Variants in F13A1 observed in about 807,000 individuals in gnomAD.
F13A1 encodes FSF, A subunit.
F13A1 carries 47 observed loss-of-function variants against 80.1 expected under a neutral mutation model. That is an observed-to-expected ratio of 0.59 (90% CI 0.46 to 0.75). The LOEUF is 0.75. Ranked by LOEUF, F13A1 falls within the 30% of genes least tolerant of loss-of-function variation. The probability of loss-of-function intolerance (pLI) is 0.00; values close to 1 mark genes in which losing one functional copy is unlikely to be tolerated. For missense variants in F13A1, 817 were observed against 930.4 expected, an observed-to-expected ratio of 0.88 and a Z score of 1.59; for synonymous variants, 349 against 344.9, an observed-to-expected ratio of 1.01 and a Z score of -0.13.
At position 6,300,602 on chromosome 6, in the gene F13A1, C is replaced by T. The variant is rs868776254; in HGVS notation, c.319+4749G>A. 2.0e-5 allele frequency among the ~76,000 whole-genome samples: 3 copies of T among 152,228 alleles called. No homozygotes were observed. The Middle Eastern group carries it at 0.01, about 518-fold the overall frequency. ...GGCAATGCCTCGCCCTGCTTCGGCT[C>T]GCGCACAGTGCACGCACCCACTGAC... is the stretch of plus-strand genomic sequence containing the variant. On this transcript the variant is annotated intron_variant, in intron 3 of 14. Transcript: ENST00000264870.
Position 6,195,908 on chromosome 6 carries a change from G to C in F13A1, c.1217-23C>G, listed in dbSNP as rs5978. Reference sequence around the variant, plus strand: ...TGCCTGCATTGCACAGAGGAAGGGCGGTGTGAGTTTGTCATCTCCAATTCT... The same window carrying C: ...TGCCTGCATTGCACAGAGGAAGGGCCGTGTGAGTTTGTCATCTCCAATTCT... On this transcript the variant is annotated intron_variant, in intron 9 of 14. Transcript: ENST00000264870. 3 of 1,609,590 alleles carry C rather than the reference G, an allele frequency of 1.9e-6. No homozygotes were observed. In the Admixed American group the frequency reaches 5.0e-5, roughly 27 times the overall value.
At chr6:6,288,402 A>G (rs1357271147) in intron 3 of F13A1, among the ~76,000 whole-genome samples, 3 of 152,180 alleles carry the variant, frequency 2.0e-5, no homozygotes, top group African/African-American at 4.8e-5. Flanking sequence ...CAGATTCCAC[A>G]TATAAGTGAG....
rs1761234578 is a variant in F13A1, at chr6:6,193,330, A to G, written c.1305+2467T>C. Among the ~76,000 whole-genome samples the G allele has an allele frequency of 2.6e-5, 4 of 152,294 alleles. No individual in the cohort carries two copies. The South Asian group carries it at 8.3e-4, about 32-fold the overall frequency. ...TGATCAAGCCTGGAAATGAGTAAGG[A>G]ATGACCAAGAAAGTCAGCATGCTGG... On this transcript the variant is annotated intron_variant, in intron 10 of 14. Coordinates refer to ENST00000264870, the MANE Select transcript of F13A1 (RefSeq NM_000129.4).
chr6:6,294,905 C>T, intron 3 of F13A1, among the ~76,000 whole-genome samples: 1 of 121,928 alleles, frequency 8.2e-6, no homozygotes, highest in African/African-American at 3.2e-5. Flanking sequence ...TCCCCCCACC[C>T]CACAACAGGC....
chr6:6,211,697 G>A (rs559361074), intron 8 of F13A1, among the ~76,000 whole-genome samples: 2 of 152,248 alleles, frequency 1.3e-5, no homozygotes, highest in African/African-American at 4.8e-5. Context: ...AATAGGAACA[G>A]CTCCAGTCTA....
rs1373878945 is a variant in F13A1, at chr6:6,214,292, C to T, written c.1112+7741G>A. Among the ~76,000 whole-genome samples, 6 of 151,884 alleles carry T rather than the reference C, an allele frequency of 4.0e-5. No homozygotes were observed. The East Asian group carries it at 1.2e-3, about 29-fold the overall frequency. On this transcript the variant is annotated intron_variant, in intron 8 of 14. Coordinates refer to ENST00000264870, the MANE Select transcript of F13A1 (RefSeq NM_000129.4). Reference sequence around the variant, plus strand: ...ACATACTTGGAAGAAAAGCCCTCCTCAGCAAATGTAAAAGAACAGAAATTA... The same window carrying T: ...ACATACTTGGAAGAAAAGCCCTCCTTAGCAAATGTAAAAGAACAGAAATTA...
intron 3 of F13A1, among the ~76,000 whole-genome samples, chr6:6,271,902 C>G (rs986042606): frequency 1.3e-5 from 2 of 152,254 alleles, no homozygotes; most frequent in African/African-American, 2.4e-5. Flanking sequence ...CTTAATCCCC[C>G]CAGCTGGGAT....
chr6:6,169,420 C>T (rs776972523), intron 12 of F13A1: 2 of 154,126 alleles, frequency 1.3e-5, no homozygotes, highest in Non-Finnish European at 2.9e-5. Context: ...CAGACAATGC[C>T]TATTGAAGTG....
At chr6:6,165,592 C>A (rs979240925) in intron 13 of F13A1, among the ~76,000 whole-genome samples, 1 of 152,146 alleles carries the variant, frequency 6.6e-6, no homozygotes, top group Non-Finnish European at 1.5e-5. Flanking sequence ...ATAAATGAAA[C>A]CTGCGCAATA....
intron 8 of F13A1, chr6:6,206,423 G>A: frequency 2.1e-6 from 1 of 467,180 alleles, no homozygotes; most frequent in Non-Finnish European, 4.4e-6. Context: ...TTTTCTATGT[G>A]GTTTATTAAA....
Position 6,197,290 on chromosome 6 carries a change from C to T in F13A1, c.1149G>A (p.Arg383=). The stretch of plus-strand genomic sequence containing the variant: ...CTCCAAATCCAACAGGAAGGTCAGG[C>T]CTTGTCATCCATGCTTCATTCCAGC... The part of the protein sequence containing the change: ...YHCWNEAWMT[R]PDLPVGFGGW... The change falls in exon 9 of 15, where the codon AGG becomes AGA. Residue 383 remains arginine, a synonymous_variant. Coordinates refer to ENST00000264870, the MANE Select transcript of F13A1 (RefSeq NM_000129.4). 3.1e-6 allele frequency: 5 copies of T among 1,614,218 alleles called. No individual in the cohort carries two copies. Among genetic ancestry groups the T allele is most frequent in the Non-Finnish European group, 4.2e-6 (5 of 1,180,040 alleles).
chr6:6,266,957 A>G, intron 3 of F13A1, 148 bp from the exon 4 acceptor site: 1 of 1,175,708 alleles, frequency 8.5e-7, no homozygotes, highest in Non-Finnish European at 1.2e-6. Context: ...CAAGTCTGCA[A>G]ATTACTTTGA....
intron 4 of F13A1, among the ~76,000 whole-genome samples, chr6:6,264,204 C>T (rs973113794): frequency 6.6e-6 from 1 of 152,138 alleles, no homozygotes; most frequent in African/African-American, 2.4e-5. Context: ...ACCCTTTTCC[C>T]GTCAAGAAGA....
chr6:6,223,539 G>T (rs1308807835), intron 7 of F13A1, among the ~76,000 whole-genome samples: 2 of 152,148 alleles, frequency 1.3e-5, no homozygotes, highest in African/African-American at 4.8e-5. Context: ...TCAGAGACCA[G>T]TGCTTCTAGG....
intron 10 of F13A1, among the ~76,000 whole-genome samples, chr6:6,186,250 G>T (rs1160697399): frequency 5.3e-5 from 8 of 150,980 alleles, no homozygotes; most frequent in African/African-American, 1.7e-4. Flanking sequence ...GTCAATTTTG[G>T]CTTTTGTTGC....
intron 3 of F13A1, among the ~76,000 whole-genome samples, chr6:6,294,069 C>A (rs1358588709): frequency 6.6e-6 from 1 of 151,962 alleles, no homozygotes; most frequent in Non-Finnish European, 1.5e-5. Context: ...TATGTTTTTA[C>A]CTATATAACA....
Position 6,243,851 on chromosome 6 carries a change from T to G in F13A1, c.798+4461A>C, listed in dbSNP as rs541821947. 2.5e-4 allele frequency among the ~76,000 whole-genome samples: 38 copies of G among 152,336 alleles called. No individual in the cohort carries two copies. Among genetic ancestry groups the G allele is most frequent in the African/African-American group, 7.7e-4 (32 of 41,576 alleles). On this transcript the variant is annotated intron_variant, in intron 6 of 14. Coordinates refer to ENST00000264870, the MANE Select transcript of F13A1 (RefSeq NM_000129.4). The surrounding 1 kb of genome is among the most constrained non-coding windows in gnomAD (Gnocchi z 4.2). ...CAAATATGGATGGAGGTGGTACATGTAGGTGTGTCACAGTGAATAACGAGC... is the reference window on the plus strand; with the variant it reads ...CAAATATGGATGGAGGTGGTACATGGAGGTGTGTCACAGTGAATAACGAGC...
chr6:6,236,660 G>A (rs367791234), intron 6 of F13A1, among the ~76,000 whole-genome samples: 1 of 151,944 alleles, frequency 6.6e-6, no homozygotes, highest in African/African-American at 2.4e-5. Flanking sequence ...ACTTTTCTCT[G>A]TTATAAACCT....
At chr6:6,209,167 G>A (rs1456935643) in intron 8 of F13A1, among the ~76,000 whole-genome samples, 1 of 151,552 alleles carries the variant, frequency 6.6e-6, no homozygotes. Flanking sequence ...TTTTAAAATG[G>A]GACAAAAATA....
Sources: gnomAD v4.1 joint callset for allele counts (sites outside exome capture counted in the v4.1 genomes callset) on GRCh38, gnomAD v4.1.1 for gene constraint, Gnocchi (gnomAD v3.1) non-coding constraint, MANE v1.5 for transcripts, NCBI Gene and HGNC (gene_info 2026-07-23, HGNC 2026-07-21) for gene names.